HNF4A: variants seen among roughly 807,000 people sequenced by gnomAD.
HNF4A encodes hepatocyte nuclear factor 4 alpha.
Under a neutral mutation model 52.4 loss-of-function variants are expected in HNF4A, and 15 were observed. That is an observed-to-expected ratio of 0.29 (90% CI 0.19 to 0.44). HNF4A has a LOEUF of 0.44. Among genes scored for constraint, HNF4A ranks in the 20% least tolerant of loss-of-function variants. The pLI, the probability that HNF4A is intolerant of heterozygous loss-of-function variation, is 1.00. For synonymous variants in HNF4A, 280 were observed against 264.4 expected, an observed-to-expected ratio of 1.06 and a Z score of -0.57; for missense variants, 479 against 647.2, an observed-to-expected ratio of 0.74 and a Z score of 2.82.
chr20:44,359,321 T>C (rs2062892746), intron 1 of HNF4A, among the ~76,000 whole-genome samples: 1 of 152,222 alleles, frequency 6.6e-6, no homozygotes, highest in Admixed American at 6.5e-5. Flanking sequence ...CTGTCCCAGC[T>C]TCAGCTGTCA....
At chr20:44,368,053 CTTT>C (rs558557390) in intron 1 of HNF4A, among the ~76,000 whole-genome samples, 1 of 103,816 alleles carries the variant, frequency 9.6e-6, no homozygotes, top group Non-Finnish European at 1.9e-5. Flanking sequence ...GGAAGATGGG[CTTT>C]TTTTTTTTGA....
chr20:44,366,686 A>G (rs1164555581), intron 1 of HNF4A, among the ~76,000 whole-genome samples: 2 of 152,186 alleles, frequency 1.3e-5, no homozygotes, highest in Admixed American at 1.3e-4. Context: ...ACAGGGGCCA[A>G]TTGTAGGTAG....
rs112602747 is a variant in HNF4A at position 44,376,000 on chromosome 20, A to G, written c.49+20147A>G. 4.5e-3 allele frequency among the ~76,000 whole-genome samples: 686 copies of G among 151,866 alleles called. 12 individuals are homozygous for G. Among genetic ancestry groups the G allele is most frequent in the African/African-American group, 0.015 (622 of 41,444 alleles). ...GGTGGCTCATGCCTGTAATCCCAGC[A>G]CTTTGGGAGGTTGAGGCAGGCGGAT... On this transcript the variant is annotated intron_variant, in intron 1 of 9. Coordinates refer to the HNF4A transcript ENST00000316673.
intron 6 of HNF4A, among the ~76,000 whole-genome samples, chr20:44,419,279 G>A (rs914416592): frequency 3.9e-5 from 6 of 152,216 alleles, no homozygotes; most frequent in Non-Finnish European, 5.9e-5. Flanking sequence ...AGGGAAGCTC[G>A]ATTATTTATC....
At chr20:44,403,436 T>A (rs1032442626) in intron 1 of HNF4A, among the ~76,000 whole-genome samples, 1 of 152,206 alleles carries the variant, frequency 6.6e-6, no homozygotes, top group Non-Finnish European at 1.5e-5. Flanking sequence ...GTAAAGGGCC[T>A]GGCCCCACCA....
intron 1 of HNF4A, among the ~76,000 whole-genome samples, chr20:44,363,682 TCTC>T (rs1179647290): frequency 5.1e-4 from 77 of 151,276 alleles, no homozygotes; most frequent in Non-Finnish European, 4.4e-5. Context: ...CTCAAGTCCT[TCTC>T]CTGCTGTTTC....
At chr20:44,361,700 A>C (rs1354471061) in intron 1 of HNF4A, among the ~76,000 whole-genome samples, 1 of 150,914 alleles carries the variant, frequency 6.6e-6, no homozygotes, top group Admixed American at 6.6e-5. Context: ...AAACAAAACA[A>C]AACCAAAAAA....
chr20:44,390,822 T>C, intron 1 of HNF4A: 1 of 612,134 alleles, frequency 1.6e-6, no homozygotes, highest in Admixed American at 2.8e-5. Context: ...TCCATGGCCC[T>C]GATGGGTGAA....
At chr20:44,404,672 G>T (rs560941797) in intron 1 of HNF4A, among the ~76,000 whole-genome samples, 1 of 147,554 alleles carries the variant, frequency 6.8e-6, no homozygotes, top group East Asian at 2.0e-4. Flanking sequence ...TGCATGTGTG[G>T]ACTGTGTGTA....
intron 1 of HNF4A, among the ~76,000 whole-genome samples, chr20:44,404,571 T>A (rs2063456527): frequency 6.6e-6 from 1 of 151,558 alleles, no homozygotes; most frequent in African/African-American, 2.4e-5. Context: ...ACTGTATGTG[T>A]GCACACATTT....
intron 9 of HNF4A, 70 bp from the exon 10 acceptor site, chr20:44,429,453 G>A (rs943848759): frequency 2.1e-5 from 33 of 1,593,130 alleles, no homozygotes; most frequent in East Asian, 8.9e-5. Flanking sequence ...GAACTTTCCC[G>A]GGCCTCTTCA....
chr20:44,379,277 C>T (rs1185397467), intron 1 of HNF4A, among the ~76,000 whole-genome samples: 1 of 152,102 alleles, frequency 6.6e-6, no homozygotes, highest in East Asian at 1.9e-4. Flanking sequence ...AATCTCTCTT[C>T]CAGATGCTAC....
intron 1 of HNF4A, chr20:44,390,647 A>G (rs1198174462): frequency 5.7e-6 from 4 of 702,538 alleles, no homozygotes; most frequent in Non-Finnish European, 1.0e-5. Flanking sequence ...AGGATGTCGG[A>G]CTGGGGCCAG....
chr20:44,433,006 C>G (rs574020393), downstream of HNF4A: 1 of 152,102 alleles, frequency 6.6e-6, no homozygotes, highest in East Asian at 1.9e-4. Context: ...ATTTTTCAGT[C>G]TTCACATCAA....
At chr20:44,356,032 G>A (rs1398912366) in intron 1 of HNF4A, among the ~76,000 whole-genome samples, 179 bp downstream of exon 1, 1 of 150,626 alleles carries the variant, frequency 6.6e-6, no homozygotes, top group Admixed American at 6.6e-5. Flanking sequence ...GCCGGGGCAT[G>A]GCCTGCTTGG....
intron 8 of HNF4A, 81 bp from the exon 9 acceptor site, chr20:44,428,254 C>T: frequency 6.8e-7 from 1 of 1,465,956 alleles, no homozygotes; most frequent in Non-Finnish European, 9.5e-7. Flanking sequence ...GTTGATTGGC[C>T]ACGCCTGAGG....
At chr20:44,364,507 G>C (rs139121308) in intron 1 of HNF4A, among the ~76,000 whole-genome samples, 1,813 of 151,690 alleles carry the variant, frequency 0.012, 34 homozygotes, top group African/African-American at 0.042. Context: ...GTCTTGCTCT[G>C]TCACCCAGGC....
intron 3 of HNF4A, among the ~76,000 whole-genome samples, chr20:44,411,852 T>C (rs1387315937): frequency 6.6e-6 from 1 of 151,550 alleles, no homozygotes; most frequent in Non-Finnish European, 1.5e-5. Context: ...AGCCAGGTTT[T>C]CGAGACCAGC....
chr20:44,413,619 C>T, intron 3 of HNF4A, 75 bp from the exon 4 acceptor site: 2 of 1,049,510 alleles, frequency 1.9e-6, no homozygotes, highest in Non-Finnish European at 2.9e-6. Flanking sequence ...GCTCCCACTC[C>T]TCATCAGTCA....
Sources: gnomAD v4.1 joint callset for allele counts (sites outside exome capture counted in the v4.1 genomes callset) on GRCh38, gnomAD v4.1.1 for gene constraint, MANE v1.5 for transcripts, NCBI Gene and HGNC (gene_info 2026-07-23, HGNC 2026-07-21) for gene names.